NMT1: variants seen among roughly 807,000 people sequenced by gnomAD.
NMT1 encodes the protein N-myristoyltransferase 1, also known as glycylpeptide N-tetradecanoyltransferase 1.
A neutral mutation model predicts 63.4 loss-of-function variants in NMT1; 12 were observed. The ratio of observed to expected loss-of-function variants is 0.19; its 90% confidence interval spans 0.12 to 0.31. NMT1 has a LOEUF of 0.31. Among genes scored for constraint, NMT1 ranks in the 10% least tolerant of loss-of-function variants. NMT1 has a pLI of 1.00. For missense variants in NMT1, 432 were observed against 634.6 expected (o/e 0.68, Z 3.43); for synonymous variants, 228 against 234.3 (o/e 0.97, Z 0.25).
chr17:45,099,279 CACT>C, intron 7 of NMT1, 123 bp from the exon 8 acceptor site: 1 of 696,130 alleles, frequency 1.4e-6, no homozygotes, highest in Admixed American at 2.0e-5. Flanking sequence ...AGGGTGACAC[CACT>C]GACTCCGGAG....
At chr17:45,098,303 T>TG in intron 6 of NMT1, 79 bp from the exon 7 acceptor site, 2 of 1,377,058 alleles carry the variant, frequency 1.5e-6, no homozygotes, top group Non-Finnish European at 2.0e-6. Flanking sequence ...TCCTTCTAGG[T>TG]GTGGCTGCAC....
intron 7 of NMT1, 43 bp from the exon 8 acceptor site, chr17:45,099,362 G>A (rs1340956434): frequency 7.3e-7 from 1 of 1,366,016 alleles, no homozygotes; most frequent in Non-Finnish European, 1.0e-6. Flanking sequence ...TTGTAATAGG[G>A]ATTGGCCAGA....
chr17:45,105,610 C>G lies in NMT1; in HGVS notation c.1471-9C>G. The G allele has an allele frequency of 6.2e-7, 1 of 1,613,368 alleles. No individual in the cohort carries two copies. On this transcript the variant is annotated splice_polypyrimidine_tract_variant and intron_variant, in intron 11 of 11. Transcript: ENST00000258960. The surrounding 1 kb of genome is among the most constrained non-coding windows in gnomAD (Gnocchi z 4.2). The stretch of plus-strand genomic sequence containing the variant: ...ACTCAGCTCTGCCTCTCCCTGTTGG[C>G]TTTCCTAGGTTGGACTGGTGCTACA...
At chr17:45,085,819 CTT>C (rs747872109) in intron 2 of NMT1, among the ~76,000 whole-genome samples, 2 of 145,550 alleles carry the variant, frequency 1.4e-5, no homozygotes, top group Admixed American at 6.9e-5. Flanking sequence ...CCCTTTAACT[CTT>C]TTTTTTTTTT....
chr17:45,085,498 T>A (rs2054046059), intron 2 of NMT1, among the ~76,000 whole-genome samples: 1 of 152,204 alleles, frequency 6.6e-6, no homozygotes, highest in Non-Finnish European at 1.5e-5. Flanking sequence ...TTGGAACTTG[T>A]ATGCAAAAAA....
rs1281614790 is a variant in NMT1, at chr17:45,081,741, C to A, written c.229C>A (p.Gln77Lys). ...KGSETDSAQD[Q>K]PVKMNSLPAE... The stretch of plus-strand genomic sequence containing the variant: ...CAGTGAGACAGATTCAGCCCAGGAT[C>A]AGCCTGTGAAGGTAACAAGGAGGTT... The change falls in exon 2 of 12, where the codon CAG (glutamine) becomes AAG (lysine). Residue 77 changes from glutamine (Q) to lysine (K), a missense_variant. By Grantham distance (53) the Gln-to-Lys change is moderately conservative. Coordinates refer to ENST00000258960, the MANE Select transcript of NMT1 (RefSeq NM_021079.5). 1.3e-6 allele frequency: 2 copies of A among 1,571,002 alleles called. No individual in the cohort carries two copies. Among genetic ancestry groups the A allele is most frequent in the East Asian group, 2.4e-5 (1 of 42,432 alleles).
intron 1 of NMT1, among the ~76,000 whole-genome samples, chr17:45,070,294 AG>A (rs2053931729): frequency 6.6e-6 from 1 of 152,050 alleles, no homozygotes; most frequent in Admixed American, 6.6e-5. Context: ...ACTCTCACCC[AG>A]GCTGGAGTGC....
intron 1 of NMT1, among the ~76,000 whole-genome samples, chr17:45,073,797 G>T (rs553116731): frequency 1.3e-4 from 20 of 152,320 alleles, no homozygotes; most frequent in Middle Eastern, 6.8e-3. Flanking sequence ...TTGGTTGGTT[G>T]ATAACCAATT....
At chr17:45,086,124 CTT>C (rs758394346) in intron 2 of NMT1, among the ~76,000 whole-genome samples, 30 of 117,448 alleles carry the variant, frequency 2.6e-4, no homozygotes, top group Non-Finnish European at 3.0e-4. Flanking sequence ...GCCCAGCACT[CTT>C]TTTTTTTTTT....
intron 1 of NMT1, among the ~76,000 whole-genome samples, chr17:45,070,599 A>G (rs2053933616): frequency 6.6e-6 from 1 of 152,068 alleles, no homozygotes; most frequent in Non-Finnish European, 1.5e-5. Flanking sequence ...TTGTATTTTT[A>G]GTAGAGACGG....
At chr17:45,082,376 A>G (rs867373312) in intron 2 of NMT1, among the ~76,000 whole-genome samples, 4 of 151,948 alleles carry the variant, frequency 2.6e-5, no homozygotes, top group South Asian at 2.1e-4. Context: ...CTAGCCTCCC[A>G]AAGTGCTGGG....
At chr17:45,098,149 T>C (rs1299086148) in intron 6 of NMT1, among the ~76,000 whole-genome samples, 1 of 152,164 alleles carries the variant, frequency 6.6e-6, no homozygotes, top group Non-Finnish European at 1.5e-5. Context: ...TACCTTCAAA[T>C]AAAGGTGTTT....
intron 1 of NMT1, among the ~76,000 whole-genome samples, chr17:45,072,714 G>A (rs1427680465): frequency 1.3e-5 from 2 of 151,346 alleles, no homozygotes; most frequent in African/African-American, 4.9e-5. Context: ...CGCCCGCCAC[G>A]ATGCCTGCCT....
rs757125314 is a variant in NMT1, at chr17:45,103,977, C to T, written c.1332+101C>T. 10 of 1,599,728 alleles carry T rather than the reference C, an allele frequency of 6.3e-6. No homozygotes were observed. The highest frequency in any genetic ancestry group is 8.5e-6 in the Non-Finnish European group (10 of 1,179,518). On this transcript the variant is annotated intron_variant, in intron 10 of 11. Transcript: ENST00000258960. The surrounding 1 kb of genome is among the most constrained non-coding windows in gnomAD (Gnocchi z 4.8). Reference sequence around the variant, plus strand: ...GACGCAGCCTCCCATGGGCTGGAGGCTCTGAGCCCTCCTCATCTGTTCTGC... The same window carrying T: ...GACGCAGCCTCCCATGGGCTGGAGGTTCTGAGCCCTCCTCATCTGTTCTGC...
chr17:45,096,853 A>G (rs28494923), intron 5 of NMT1, among the ~76,000 whole-genome samples: 1 of 152,224 alleles, frequency 6.6e-6, no homozygotes, highest in African/African-American at 2.4e-5. Flanking sequence ...CCTTGGTTCA[A>G]GCTGTCAAAG....
intron 8 of NMT1, among the ~76,000 whole-genome samples, chr17:45,102,509 G>T (rs1049349486): frequency 2.6e-5 from 4 of 152,208 alleles, no homozygotes; most frequent in Admixed American, 6.5e-5. Flanking sequence ...TCCGCGAAGT[G>T]CTCTAAGTCT....
chr17:45,108,852 C>T lies in NMT1; in HGVS notation c.*3213C>T, dbSNP rs1403810719. ...ATACTGACTGGCTGGCAGGCAGGTG[C>T]CATGTCTGGGAACAGGGACGGGGGA... On this transcript the variant is annotated 3_prime_UTR_variant, in exon 12 of 12. Transcript: ENST00000258960. The T allele has an allele frequency of 2.6e-5, 4 of 152,422 alleles. No homozygotes were observed. Among genetic ancestry groups the T allele is most frequent in the African/African-American group, 9.7e-5 (4 of 41,428 alleles). The allele number at this position is 152,422 out of a possible 1,614,324, so 9.4% of individuals were successfully genotyped here.
chr17:45,088,775 A>G (rs2054069957), intron 3 of NMT1, among the ~76,000 whole-genome samples: 1 of 152,056 alleles, frequency 6.6e-6, no homozygotes, highest in Admixed American at 6.6e-5. Context: ...TAAAAAAAAA[A>G]AAAAAGAGGC....
At chr17:45,076,744 C>T (rs534142641) in intron 1 of NMT1, among the ~76,000 whole-genome samples, 1 of 150,432 alleles carries the variant, frequency 6.6e-6, no homozygotes, top group African/African-American at 2.4e-5. Context: ...GAGTGAAACT[C>T]TGTCTCAAAA....
Sources: allele counts gnomAD v4.1 joint callset (sites outside exome capture counted in the v4.1 genomes callset), GRCh38; gene constraint gnomAD v4.1.1; non-coding constraint Gnocchi (gnomAD v3.1); transcripts MANE v1.5; gene names NCBI Gene and HGNC (gene_info 2026-07-23, HGNC 2026-07-21).